Variants in ST6GALNAC5 observed in about 807,000 individuals in gnomAD.
ST6GALNAC5 encodes the protein alpha-N-acetylgalactosaminide alpha-2,6-sialyltransferase 5.
Under a neutral mutation model 33.6 loss-of-function variants are expected in ST6GALNAC5, and 27 were observed. The observed-to-expected ratio is 0.80, with a 90% CI of 0.59 to 1.11. The LOEUF (loss-of-function observed/expected upper bound fraction) is 1.11. Ranked by LOEUF, ST6GALNAC5 falls within the 50% of genes least tolerant of loss-of-function variation. The pLI, the probability that ST6GALNAC5 is intolerant of heterozygous loss-of-function variation, is 0.00. For missense variants in ST6GALNAC5, 428 were observed against 454.0 expected, an observed-to-expected ratio of 0.94 and a Z score of 0.52; for synonymous variants, 194 against 171.2, an observed-to-expected ratio of 1.13 and a Z score of -1.04.
chr1:76,943,953 A>G (rs1483061826), intron 2 of ST6GALNAC5, among the ~76,000 whole-genome samples: 10 of 152,224 alleles, frequency 6.6e-5, no homozygotes, highest in African/African-American at 2.2e-4. Flanking sequence ...TATTTAACCA[A>G]TGTTGGGGTG....
intron 2 of ST6GALNAC5, among the ~76,000 whole-genome samples, chr1:76,897,047 CAT>C (rs201893590): frequency 0.014 from 2,098 of 152,214 alleles, 24 homozygotes; most frequent in South Asian, 0.027. Context: ...AGGGAGAGCA[CAT>C]GTGTTTTTAT....
At chr1:76,887,763 T>C (rs1447491741) in intron 2 of ST6GALNAC5, among the ~76,000 whole-genome samples, 1 of 152,232 alleles carries the variant, frequency 6.6e-6, no homozygotes, top group East Asian at 1.9e-4. Context: ...GAAAATTTTT[T>C]ATGATGAATG....
chr1:77,063,331 G>A lies in ST6GALNAC5; in HGVS notation c.*125G>A. 1.2e-6 allele frequency: 1 copy of A among 802,006 alleles called. No homozygotes were observed. Among genetic ancestry groups the A allele is most frequent in the Non-Finnish European group, 2.0e-6 (1 of 507,470 alleles). The allele number at this position is 802,006 out of a possible 1,614,324, so 49.7% of individuals were successfully genotyped here. On this transcript the variant is annotated 3_prime_UTR_variant, in exon 5 of 5. Coordinates refer to ENST00000477717, the MANE Select transcript of ST6GALNAC5 (RefSeq NM_030965.3). ...AGCTTCACTCCTCAGGAAGTACCAT[G>A]GACAGACGCCTACCAGGGGTGACAA...
chr1:76,881,382 C>T (rs1029758869), intron 2 of ST6GALNAC5, among the ~76,000 whole-genome samples: 1 of 152,200 alleles, frequency 6.6e-6, no homozygotes, highest in East Asian at 1.9e-4. Context: ...TGCATAGTCT[C>T]AGCATAGACA....
intron 4 of ST6GALNAC5, among the ~76,000 whole-genome samples, chr1:77,050,722 A>T (rs1443979643): frequency 3.3e-5 from 5 of 152,270 alleles, no homozygotes; most frequent in Non-Finnish European, 5.9e-5. Context: ...TTAATGAATT[A>T]AAGAGAGCAA....
At chr1:76,892,980 C>T (rs1048895423) in intron 2 of ST6GALNAC5, among the ~76,000 whole-genome samples, 16 of 152,294 alleles carry the variant, frequency 1.1e-4, no homozygotes, top group Middle Eastern at 6.8e-3. Context: ...ATACCATTTA[C>T]TAGGGTGCCC....
chr1:76,904,769 A>G (rs144922828), intron 2 of ST6GALNAC5, among the ~76,000 whole-genome samples: 2,723 of 152,114 alleles, frequency 0.018, 84 homozygotes, highest in African/African-American at 0.061. Flanking sequence ...AGGTTGCAGT[A>G]AGCTGAGATT....
chr1:76,869,193 C>A (rs534610163), intron 2 of ST6GALNAC5: 103 of 183,630 alleles, frequency 5.6e-4, no homozygotes, highest in South Asian at 2.8e-3. Context: ...CGGGATCCAG[C>A]GTTCCCCTCT....
chr1:77,036,742 G>A (rs1465986966), intron 2 of ST6GALNAC5, among the ~76,000 whole-genome samples: 1 of 152,218 alleles, frequency 6.6e-6, no homozygotes, highest in Non-Finnish European at 1.5e-5. Flanking sequence ...TATATTTGTT[G>A]AACACCTTCT....
At chr1:76,957,989 A>C (rs1648073017) in intron 2 of ST6GALNAC5, among the ~76,000 whole-genome samples, 1 of 151,972 alleles carries the variant, frequency 6.6e-6, no homozygotes, top group African/African-American at 2.4e-5. Context: ...AAGCCAGTTG[A>C]CTTTGAGAAT....
At chr1:76,934,006 C>T (rs1238970283) in intron 2 of ST6GALNAC5, among the ~76,000 whole-genome samples, 1 of 152,000 alleles carries the variant, frequency 6.6e-6, no homozygotes, top group Non-Finnish European at 1.5e-5. Context: ...AGCCACAAAC[C>T]TCCATTTTCC....
chr1:77,050,507 A>G (rs1219650975), intron 4 of ST6GALNAC5, 142 bp downstream of exon 4: 2 of 675,630 alleles, frequency 3.0e-6, no homozygotes, highest in Admixed American at 5.5e-5. Context: ...TCATTCTAGA[A>G]ACAACAAACA....
At chr1:77,045,942 C>T (rs950592349) in intron 3 of ST6GALNAC5, among the ~76,000 whole-genome samples, 3 of 152,204 alleles carry the variant, frequency 2.0e-5, no homozygotes, top group African/African-American at 7.2e-5. Context: ...GTTATCTAAC[C>T]TTTTAGAGAC....
At chr1:76,926,796 G>A (rs755189317) in intron 2 of ST6GALNAC5, among the ~76,000 whole-genome samples, 5 of 152,102 alleles carry the variant, frequency 3.3e-5, no homozygotes, top group Non-Finnish European at 7.4e-5. Flanking sequence ...TACAGGAAAA[G>A]ATGGATTCTC....
chr1:76,871,831 C>A (rs949432065), intron 2 of ST6GALNAC5, among the ~76,000 whole-genome samples: 1 of 152,116 alleles, frequency 6.6e-6, no homozygotes, highest in Non-Finnish European at 1.5e-5. Context: ...GAGTCTTTCT[C>A]TTCTTTCCCA....
intron 2 of ST6GALNAC5, among the ~76,000 whole-genome samples, chr1:76,972,145 A>G (rs1358400657): frequency 6.6e-6 from 1 of 152,238 alleles, no homozygotes. Flanking sequence ...GGGAGGCCTC[A>G]CAATCATGGT....
chr1:76,941,103 G>A (rs923577591), intron 2 of ST6GALNAC5, among the ~76,000 whole-genome samples: 1 of 152,018 alleles, frequency 6.6e-6, no homozygotes, highest in African/African-American at 2.4e-5. Context: ...ATGTAGCCAG[G>A]GTGACCAGAT....
chr1:76,958,072 C>T (rs1006130126), intron 2 of ST6GALNAC5, among the ~76,000 whole-genome samples: 1 of 152,058 alleles, frequency 6.6e-6, no homozygotes, highest in African/African-American at 2.4e-5. Flanking sequence ...AAAGAGTTCC[C>T]CGCAGGAGAC....
intron 2 of ST6GALNAC5, among the ~76,000 whole-genome samples, chr1:76,967,773 T>C (rs185197654): frequency 7.9e-5 from 12 of 152,346 alleles, no homozygotes; most frequent in Admixed American, 5.2e-4. Flanking sequence ...GAGATTCTGG[T>C]ACATTGTGTC....
Sources: gnomAD v4.1 joint callset for allele counts (sites outside exome capture counted in the v4.1 genomes callset) on GRCh38, gnomAD v4.1.1 for gene constraint, MANE v1.5 for transcripts, NCBI Gene and HGNC (gene_info 2026-07-23, HGNC 2026-07-21) for gene names.